FAT4: variants seen among roughly 807,000 people sequenced by gnomAD.
The protein encoded by FAT4 is FAT atypical cadherin 4, also known as protocadherin Fat 4.
In FAT4, 84 loss-of-function variants were observed where a neutral mutation model predicts 303.9. The ratio of observed to expected loss-of-function variants is 0.28; its 90% CI spans 0.23 to 0.33. The LOEUF (loss-of-function observed/expected upper bound fraction) is 0.33. FAT4 is among the 10% of genes least tolerant of loss of function. The pLI is 1.00. For synonymous variants in FAT4, 2,307 were observed against 2,298.8 expected (o/e 1.00, Z -0.10); for missense variants, 6,005 against 6,146.8 (o/e 0.98, Z 0.77).
At chr4:125,321,710 C>T (rs984014900) in intron 2 of FAT4, 124 bp downstream of exon 2, 51 of 993,050 alleles carry the variant, frequency 5.1e-5, no homozygotes, top group Non-Finnish European at 6.9e-5. Flanking sequence ...ACAGGAACAC[C>T]TAAAAATGTT....
Position 125,415,480 on chromosome 4 carries a change from A to G in FAT4, c.6517A>G (p.Ile2173Val), listed in dbSNP as rs1041755780. The change falls in exon 6 of 18, where the codon ATA (isoleucine) becomes GTA (valine). Residue 2173 changes from isoleucine (I) to valine (V), a missense_variant. Transcript: ENST00000394329. ...INENTLTGTD[I>V]IQVFAADGDE... is the part of the protein sequence containing the mutation. Reference sequence around the variant, plus strand: ...TGAAAACACACTTACTGGAACAGATATAATACAAGTGTTCGCAGCAGATGG... The same window carrying G: ...TGAAAACACACTTACTGGAACAGATGTAATACAAGTGTTCGCAGCAGATGG... The G allele has an allele frequency of 6.8e-6, 11 of 1,614,020 alleles. No homozygotes were observed. Among genetic ancestry groups the G allele is most frequent in the African/African-American group, 1.3e-5 (1 of 74,950 alleles).
chr4:125,488,728 A>C (rs533891954), intron 17 of FAT4, among the ~76,000 whole-genome samples: 184 of 152,266 alleles, frequency 1.2e-3, no homozygotes, highest in African/African-American at 4.2e-3. Context: ...AATCCTTTGG[A>C]TGGATGGGCT....
chr4:125,410,627 G>A (rs895610828), intron 5 of FAT4, among the ~76,000 whole-genome samples: 5 of 152,034 alleles, frequency 3.3e-5, no homozygotes, highest in Admixed American at 2.0e-4. Flanking sequence ...ATTAGAGAGA[G>A]CCCATTGTTT....
rs1212081033 is a variant in FAT4, at chr4:125,491,439, G to A, written c.14623G>A (p.Val4875Ile). 6.2e-7 allele frequency: 1 copy of A among 1,614,018 alleles called. No individual in the cohort carries two copies. The highest frequency in any genetic ancestry group is 8.5e-7 in the Non-Finnish European group (1 of 1,180,008). The change falls in exon 18 of 18, where the codon GTC becomes ATC. Residue 4875 changes from valine to isoleucine, a missense_variant. By Grantham distance (29) the Val-to-Ile change is conservative (BLOSUM62 3). Coordinates refer to ENST00000394329, the MANE Select transcript of FAT4 (RefSeq NM_001291303.3). ...YTSRMPKLSQ[V>I]NESDADDEDN... ...TTCCAGAATGCCCAAATTATCTCAA[G>A]TCAATGAATCTGATGCAGATGATGA...
chr4:125,445,358 T>C (rs1227246762), intron 8 of FAT4, among the ~76,000 whole-genome samples: 1 of 152,136 alleles, frequency 6.6e-6, no homozygotes, highest in Non-Finnish European at 1.5e-5. Context: ...GCAGTTTATA[T>C]TAGATATATG....
chr4:125,318,377 T>C lies in FAT4; in HGVS notation c.1966T>C (p.Ser656Pro), dbSNP rs1730743959. 3 of 1,614,170 alleles carry C rather than the reference T, an allele frequency of 1.9e-6. No homozygotes were observed. The highest frequency in any genetic ancestry group is 2.7e-5 in the African/African-American group (2 of 75,040). The stretch of plus-strand genomic sequence containing the variant: ...GGACAGAGAAGAGCAAGCCTTCTAC[T>C]CCCTGTTGGTTCTGGCCACAGATCT... ...SLDREEQAFY[S>P]LLVLATDLGS... The change falls in exon 2 of 18, where the codon TCC becomes CCC. Residue 656 changes from serine (S) to proline (P), a missense_variant. Coordinates refer to ENST00000394329, the MANE Select transcript of FAT4 (RefSeq NM_001291303.3).
In FAT4 at chr4:125,317,202, T is replaced by A. The variant is rs746534343; in HGVS notation, c.791T>A (p.Val264Asp). The change falls in exon 2 of 18, where the codon GTT (valine) becomes GAT (aspartate). Residue 264 changes from valine (V) to aspartate (D), a missense_variant. By Grantham distance (152) the Val-to-Asp change is radical. Coordinates refer to ENST00000394329, the MANE Select transcript of FAT4 (RefSeq NM_001291303.3). This position sits in a 1 kb window ranked among gnomAD's most constrained non-coding sequence, Gnocchi z 7.0. ...HYQAGVPEDA[V>D]VGSSVLQVAA... ...CAGGCGGGGGTGCCTGAGGACGCGGTTGTGGGTTCCAGCGTCCTCCAGGTG... is the reference window on the plus strand; with the variant it reads ...CAGGCGGGGGTGCCTGAGGACGCGGATGTGGGTTCCAGCGTCCTCCAGGTG... The A allele has an allele frequency of 3.8e-6, 6 of 1,592,696 alleles. No individual in the cohort carries two copies. Among genetic ancestry groups the A allele is most frequent in the Non-Finnish European group, 5.1e-6 (6 of 1,166,944 alleles).
At chr4:125,365,407 T>C (rs1381714963) in intron 2 of FAT4, among the ~76,000 whole-genome samples, 1 of 152,186 alleles carries the variant, frequency 6.6e-6, no homozygotes, top group Non-Finnish European at 1.5e-5. Context: ...AACCTCAACT[T>C]TATTCCTTGA....
At chr4:125,408,891 A>C in intron 5 of FAT4, 97 bp downstream of exon 5, 6 of 615,042 alleles carry the variant, frequency 9.8e-6, no homozygotes, top group Non-Finnish European at 1.5e-5. Flanking sequence ...ACAAAAATGC[A>C]TTTTGTGAAT....
At chr4:125,448,429 G>T in intron 9 of FAT4, 32 bp from the exon 10 acceptor site, 2 of 1,545,192 alleles carry the variant, frequency 1.3e-6, no homozygotes, top group Non-Finnish European at 1.7e-6. Context: ...TAAATTCCAC[G>T]TGAGTATAAC....
rs1473579499 is a variant in FAT4, at chr4:125,408,654, C to A, written c.5780C>A (p.Thr1927Asn). ...GAAGATGGTGGGGGACAATTTACTA[C>A]CATCAGAGTTTATTTCAATATTCTA... is the stretch of plus-strand genomic sequence containing the variant. ...RAEDGGGQFT[T>N]IRVYFNILDV... Residue 1927 changes from threonine (T) to asparagine (N), a missense_variant, in exon 5 of 18, where the codon ACC becomes AAC. Coordinates refer to ENST00000394329, the MANE Select transcript of FAT4 (RefSeq NM_001291303.3). 4 of 1,609,484 alleles carry A rather than the reference C, an allele frequency of 2.5e-6. No individual in the cohort carries two copies. In the South Asian group the frequency reaches 3.3e-5, roughly 13 times the overall value.
chr4:125,394,085 A>C (rs1031705737), intron 2 of FAT4: 1 of 728,240 alleles, frequency 1.4e-6, no homozygotes, highest in Non-Finnish European at 2.6e-6. Context: ...AGGACCAGAT[A>C]TCTAAGCACA....
chr4:125,429,098 T>C (rs976201270), intron 7 of FAT4, among the ~76,000 whole-genome samples: 2 of 152,198 alleles, frequency 1.3e-5, no homozygotes, highest in African/African-American at 4.8e-5. Context: ...AATTGGGACC[T>C]TCTGTTTCTA....
chr4:125,456,025 G>C (rs1163221275), intron 10 of FAT4, among the ~76,000 whole-genome samples: 1 of 152,148 alleles, frequency 6.6e-6, no homozygotes, highest in Non-Finnish European at 1.5e-5. Flanking sequence ...TGCACCAAGT[G>C]ATCTGAGGAG....
Position 125,452,004 on chromosome 4 carries a change from G to C in FAT4, c.10994G>C (p.Gly3665Ala), listed in dbSNP as rs777960103. ...SGVTSLFSIP[G>A]GTCDLNSQPR... ...GTTACCAGCCTCTTCAGTATTCCAG[G>C]GGGTACTTGTGATCTGAATTCCCAG... The change falls in exon 10 of 18, where the codon GGG (glycine) becomes GCG (alanine). Residue 3665 changes from glycine (G) to alanine (A), a missense_variant. Transcript: ENST00000394329. The C allele has an allele frequency of 1.6e-5, 26 of 1,613,948 alleles. No homozygotes were observed. The Admixed American group carries it at 3.7e-4, about 23-fold the overall frequency.
At chr4:125,392,536 G>A (rs866611868) in intron 2 of FAT4, among the ~76,000 whole-genome samples, 8 of 151,998 alleles carry the variant, frequency 5.3e-5, no homozygotes, top group Admixed American at 2.6e-4. Context: ...TTTTGTATAC[G>A]TTTTAATAGT....
At chr4:125,412,234 G>A (rs1734876394) in intron 5 of FAT4, among the ~76,000 whole-genome samples, 1 of 151,628 alleles carries the variant, frequency 6.6e-6, no homozygotes, top group Admixed American at 6.6e-5. Context: ...AGTGTATGTG[G>A]CCAAAGTCAC....
At position 125,490,096 on chromosome 4, in the gene FAT4, T is replaced by A; in HGVS notation, c.13280T>A (p.Val4427Asp). The change falls in exon 18 of 18, where the codon GTC becomes GAC. Residue 4427 changes from valine to aspartate, a missense_variant. Val to Asp is a radical substitution (Grantham distance 152). Coordinates refer to ENST00000394329, the MANE Select transcript of FAT4 (RefSeq NM_001291303.3). The part of the protein sequence containing the change: ...CINQWYAYRC[V>D]PPGDCASHPC... The stretch of plus-strand genomic sequence containing the variant: ...AATCAGTGGTATGCCTACAGGTGTG[T>A]CCCTCCTGGGGACTGTGCCTCCCAC... 1 of 1,614,036 alleles carries A rather than the reference T, an allele frequency of 6.2e-7. No homozygotes were observed. Among genetic ancestry groups the A allele is most frequent in the South Asian group, 1.1e-5 (1 of 91,076 alleles).
intron 2 of FAT4, among the ~76,000 whole-genome samples, chr4:125,348,533 G>A (rs72673298): frequency 0.095 from 14,370 of 151,610 alleles, 726 homozygotes; most frequent in Non-Finnish European, 0.12. Context: ...CAGGATTAGA[G>A]TGGAGAAAAC....
Sources: allele counts gnomAD v4.1 joint callset (sites outside exome capture counted in the v4.1 genomes callset), GRCh38; gene constraint gnomAD v4.1.1; non-coding constraint Gnocchi (gnomAD v3.1); transcripts MANE v1.5; gene names NCBI Gene and HGNC (gene_info 2026-07-23, HGNC 2026-07-21).